Variants in FMN1 observed in about 807,000 individuals in gnomAD.
The protein encoded by FMN1 is formin 1.
A neutral mutation model predicts 132.4 loss-of-function variants in FMN1; 110 were observed. That is an observed-to-expected ratio of 0.83 (90% CI 0.71 to 0.97). The LOEUF (loss-of-function observed/expected upper bound fraction) is 0.97, where lower values mean the gene tolerates loss of function less well. Among genes scored for constraint, FMN1 ranks in the 50% least tolerant of loss-of-function variants. FMN1 has a pLI of 0.00. For missense variants in FMN1, 1,792 were observed against 1,705.3 expected, an observed-to-expected ratio of 1.05 and a Z score of -0.90; for synonymous variants, 722 against 651.7, an observed-to-expected ratio of 1.11 and a Z score of -1.64.
At chr15:33,034,647 T>A (rs1225104720) in intron 6 of FMN1, among the ~76,000 whole-genome samples, 1 of 137,152 alleles carries the variant, frequency 7.3e-6, no homozygotes, top group African/African-American at 2.8e-5. Context: ...GAAATCCTGA[T>A]GGTTCTGCCT....
chr15:32,804,253 G>C, intron 18 of FMN1, 28 bp downstream of exon 18: 1 of 1,525,984 alleles, frequency 6.6e-7, no homozygotes. Context: ...GTCAAAGAAA[G>C]AACTGGGGCC....
Position 33,012,506 on chromosome 15 carries a change from T to C in FMN1, c.2162-4431A>G, listed in dbSNP as rs796516276. ...GATTATTTTCAACAGTATGGAAAAA[T>C]GGAAGTGATTGAAATCATGACTGAC... On this transcript the variant is annotated intron_variant, in intron 6 of 20. Coordinates refer to ENST00000616417, the MANE Select transcript of FMN1 (RefSeq NM_001277313.2). 1.9e-5 allele frequency: 28 copies of C among 1,453,090 alleles called. No individual in the cohort carries two copies. The African/African-American group carries it at 3.3e-4, about 17-fold the overall frequency. 90.0% of individuals were successfully genotyped at this position (1,453,090 alleles called of 1,614,324 possible). A position where few individuals can be genotyped will look rare whatever the true frequency, so the allele number is the denominator to read the frequency against.
rs1404906482 is a variant in FMN1 at position 33,153,604 on chromosome 15, T to A, written c.1311A>T (p.Lys437Asn). 5.9e-6 allele frequency: 9 copies of A among 1,536,184 alleles called. No individual in the cohort carries two copies. In the South Asian group the frequency reaches 1.1e-4, roughly 18 times the overall value. The change falls in exon 4 of 21, where the codon AAA becomes AAT. Residue 437 changes from lysine to asparagine, a missense_variant. By Grantham distance (94) the Lys-to-Asn change is moderately conservative (BLOSUM62 0). Transcript: ENST00000616417. Reference protein sequence around the residue: ...SEKLDEAPEGKRLGFPVHTSV... With the variant: ...SEKLDEAPEGNRLGFPVHTSV... ...TCGTGTGGACAGGGAAGCCCAGTCT[T>A]TTCCCCTCAGGGGCTTCATCTAACT...
chr15:33,013,978 G>A (rs2034889579), intron 6 of FMN1, among the ~76,000 whole-genome samples: 1 of 152,096 alleles, frequency 6.6e-6, no homozygotes, highest in Non-Finnish European at 1.5e-5. Flanking sequence ...CGATGAAGGA[G>A]ACTACTGCAA....
intron 19 of FMN1, among the ~76,000 whole-genome samples, chr15:32,798,205 C>A (rs1342930927): frequency 6.6e-6 from 1 of 151,520 alleles, no homozygotes. Context: ...CACACACACA[C>A]ACACACACAC....
intron 15 of FMN1, among the ~76,000 whole-genome samples, chr15:32,897,042 G>T (rs190296070): frequency 6.6e-6 from 1 of 152,144 alleles, no homozygotes; most frequent in East Asian, 1.9e-4. Context: ...GTGCTAACTG[G>T]TTCCATTTTT....
In FMN1 at chr15:33,153,960, G is replaced by A. The variant is rs530390581; in HGVS notation, c.955C>T (p.Arg319Trp). 2.5e-5 allele frequency: 39 copies of A among 1,536,714 alleles called. No homozygotes were observed. The African/African-American group carries it at 3.6e-4, about 14-fold the overall frequency. ...GAGACAGGTTTCTGCTTGCAAGTCCGCTTAGCCGGCTTCTCCATCTCATCC... is the reference window on the plus strand; with the variant it reads ...GAGACAGGTTTCTGCTTGCAAGTCCACTTAGCCGGCTTCTCCATCTCATCC... ...EKDEMEKPAK[R>W]TCKQKPVSKV... The change falls in exon 4 of 21, where the codon CGG (arginine) becomes TGG (tryptophan). Residue 319 changes from arginine (R) to tryptophan (W), a missense_variant. Around this residue, in one of 3 missense-constraint regions of FMN1, gnomAD observed 638 missense variants for 645.2 expected, o/e 0.99. Coordinates refer to ENST00000616417, the MANE Select transcript of FMN1 (RefSeq NM_001277313.2).
chr15:32,996,057 C>G (rs2033750970), intron 7 of FMN1, among the ~76,000 whole-genome samples: 2 of 152,200 alleles, frequency 1.3e-5, no homozygotes, highest in Non-Finnish European at 2.9e-5. Flanking sequence ...TTAGAGTAAA[C>G]TAAACATGCT....
intron 3 of FMN1, among the ~76,000 whole-genome samples, chr15:33,159,360 T>C (rs1413718595): frequency 3.3e-5 from 5 of 152,142 alleles, no homozygotes; most frequent in Admixed American, 6.5e-5. Flanking sequence ...GGGAAGAAGA[T>C]GAATTCAGTT....
intron 12 of FMN1, 103 bp from the exon 13 acceptor site, chr15:32,902,143 T>C: frequency 1.0e-6 from 1 of 956,062 alleles, no homozygotes; most frequent in Non-Finnish European, 1.5e-6. Context: ...TACCTAACAA[T>C]CTCAACAATT....
chr15:32,881,618 T>C (rs947470589), intron 16 of FMN1, among the ~76,000 whole-genome samples: 2 of 152,196 alleles, frequency 1.3e-5, no homozygotes, highest in African/African-American at 4.8e-5. Context: ...TTTTAATTAG[T>C]AATTAAAGAA....
chr15:32,963,925 A>T (rs1393524225), intron 9 of FMN1, among the ~76,000 whole-genome samples, 182 bp downstream of exon 9: 9 of 137,962 alleles, frequency 6.5e-5, no homozygotes, highest in East Asian at 4.0e-4. Flanking sequence ...CCTATGAATC[A>T]CACACACACA....
chr15:33,111,644 AT>A (rs1160892806), intron 4 of FMN1, among the ~76,000 whole-genome samples: 2 of 152,182 alleles, frequency 1.3e-5, no homozygotes, highest in Non-Finnish European at 2.9e-5. Flanking sequence ...TCTTTTGCCT[AT>A]AAAAAAATCT....
intron 20 of FMN1, among the ~76,000 whole-genome samples, chr15:32,774,627 G>A (rs1212228772): frequency 6.6e-6 from 1 of 152,010 alleles, no homozygotes; most frequent in Non-Finnish European, 1.5e-5. Flanking sequence ...TGCCAGGGTG[G>A]TCTTTTCTGT....
intron 12 of FMN1, 132 bp from the exon 13 acceptor site, chr15:32,902,172 G>T: frequency 4.1e-6 from 3 of 738,476 alleles, no homozygotes; most frequent in South Asian, 4.4e-5. Flanking sequence ...TGTCACATAG[G>T]TAGACTCAAG....
chr15:33,149,593 A>G (rs918546583), intron 4 of FMN1, among the ~76,000 whole-genome samples: 1 of 152,190 alleles, frequency 6.6e-6, no homozygotes, highest in Non-Finnish European at 1.5e-5. Context: ...GGATCCTATT[A>G]CTTTCTCAAA....
chr15:33,050,240 G>A (rs1173206022), intron 6 of FMN1, among the ~76,000 whole-genome samples: 1 of 152,150 alleles, frequency 6.6e-6, no homozygotes, highest in Non-Finnish European at 1.5e-5. Flanking sequence ...AAGTCAAGAA[G>A]CATCTGTATA....
intron 17 of FMN1, among the ~76,000 whole-genome samples, chr15:32,838,370 C>G (rs934367415): frequency 1.3e-5 from 2 of 152,210 alleles, no homozygotes; most frequent in Admixed American, 1.3e-4. Context: ...AGTCTGGAGA[C>G]TGAGCAACTG....
intron 7 of FMN1, among the ~76,000 whole-genome samples, chr15:32,972,661 T>G (rs2031884554): frequency 6.6e-6 from 1 of 152,204 alleles, no homozygotes; most frequent in Non-Finnish European, 1.5e-5. Flanking sequence ...CATCCTTAAG[T>G]GTGGTTCTCT....
Sources: allele counts gnomAD v4.1 joint callset (sites outside exome capture counted in the v4.1 genomes callset), GRCh38; gene constraint gnomAD v4.1.1; regional missense constraint gnomAD v4.1.1; transcripts MANE v1.5; gene names NCBI Gene and HGNC (gene_info 2026-07-23, HGNC 2026-07-21).